SLC10A7: variants seen among roughly 807,000 people sequenced by gnomAD.
SLC10A7 encodes solute carrier family 10 member 7.
SLC10A7 carries 29 observed loss-of-function variants against 43.2 expected under a neutral mutation model. The observed-to-expected ratio is 0.67, with a 90% confidence interval of 0.50 to 0.92. The LOEUF (loss-of-function observed/expected upper bound fraction) is 0.92, where lower values mean the gene tolerates loss of function less well. Among genes scored for constraint, SLC10A7 ranks in the 40% least tolerant of loss-of-function variants. The pLI is 0.00. For missense variants in SLC10A7, 295 were observed against 403.2 expected (o/e 0.73, Z 2.30); for synonymous variants, 152 against 144.8 (o/e 1.05, Z -0.35).
Position 146,324,376 on chromosome 4 carries a change from C to T in SLC10A7, c.471+1585G>A, listed in dbSNP as rs575186570. Among the ~76,000 whole-genome samples the T allele has an allele frequency of 1.2e-4, 19 of 152,234 alleles. No individual in the cohort carries two copies. The South Asian group carries it at 3.9e-3, about 32-fold the overall frequency. ...AGCCTGCATTGCCAACTCTTTGGTT[C>T]TTTAATCACAAGTCAAAAAAGGGTC... On this transcript the variant is annotated intron_variant, in intron 6 of 11. Transcript: ENST00000335472.
intron 5 of SLC10A7, among the ~76,000 whole-genome samples, chr4:146,340,759 A>G (rs1020288002): frequency 6.6e-6 from 1 of 151,938 alleles, no homozygotes; most frequent in African/African-American, 2.4e-5. Context: ...GAAATAGCCA[A>G]GACTTTATAT....
chr4:146,402,760 G>A (rs1347444971), intron 5 of SLC10A7, among the ~76,000 whole-genome samples: 1 of 152,028 alleles, frequency 6.6e-6, no homozygotes, highest in African/African-American at 2.4e-5. Flanking sequence ...CATTTTGGGG[G>A]GCCTCTATTA....
chr4:146,509,696 A>T (rs1374535492), intron 3 of SLC10A7, among the ~76,000 whole-genome samples: 2 of 152,154 alleles, frequency 1.3e-5, no homozygotes, highest in African/African-American at 4.8e-5. Flanking sequence ...TCGTAAAACC[A>T]CAGGATGAAG....
intron 10 of SLC10A7, among the ~76,000 whole-genome samples, chr4:146,275,735 T>A (rs1729164043): frequency 6.6e-6 from 1 of 151,966 alleles, no homozygotes; most frequent in Non-Finnish European, 1.5e-5. Context: ...CTACTATAAT[T>A]TTGCCAGCAG....
At position 146,332,238 on chromosome 4, in the gene SLC10A7, A is replaced by C. The variant is rs1258461577; in HGVS notation, c.436-6242T>G. ...CTGCTTTGTTTATTAGGCACGGTAC[A>C]CTATTGTGAAGACAGAGGCATCCAA... is the stretch of plus-strand genomic sequence containing the variant. On this transcript the variant is annotated intron_variant, in intron 5 of 11. Coordinates refer to ENST00000335472, the MANE Select transcript of SLC10A7 (RefSeq NM_001029998.6). 1.7e-4 allele frequency among the ~76,000 whole-genome samples: 26 copies of C among 152,188 alleles called. 1 individual carries two copies. The highest frequency in any genetic ancestry group is 1.8e-4 in the Non-Finnish European group (12 of 68,028).
In SLC10A7 at chr4:146,501,684, T is replaced by G. The variant is rs139499811; in HGVS notation, c.396+2165A>C. On this transcript the variant is annotated intron_variant, in intron 4 of 11. Coordinates refer to ENST00000335472, the MANE Select transcript of SLC10A7 (RefSeq NM_001029998.6). ...ATGAACAAGAAATAAATGCATATTT[T>G]TAACCACTGAGATTTTGGAGTTCTT... Among the ~76,000 whole-genome samples the G allele has an allele frequency of 3.3e-5, 5 of 152,314 alleles. No individual in the cohort carries two copies. The East Asian group carries it at 7.7e-4, about 23-fold the overall frequency.
intron 5 of SLC10A7, among the ~76,000 whole-genome samples, chr4:146,404,243 C>T (rs1484046478): frequency 6.6e-6 from 1 of 152,132 alleles, no homozygotes; most frequent in Non-Finnish European, 1.5e-5. Context: ...TGGTCTCAAA[C>T]TCCTGGACTC....
At chr4:146,471,279 G>A (rs539103140) in intron 4 of SLC10A7, among the ~76,000 whole-genome samples, 7 of 152,224 alleles carry the variant, frequency 4.6e-5, no homozygotes, top group Non-Finnish European at 7.4e-5. Context: ...AGGGACAGTC[G>A]AAAACTTTCC....
At chr4:146,422,666 G>A (rs189526160) in intron 5 of SLC10A7, among the ~76,000 whole-genome samples, 20 of 151,908 alleles carry the variant, frequency 1.3e-4, no homozygotes, top group East Asian at 5.8e-4. Flanking sequence ...TGTCTCTTTC[G>A]GATTATTATT....
intron 5 of SLC10A7, among the ~76,000 whole-genome samples, chr4:146,383,507 C>T (rs151286611): frequency 2.4e-4 from 37 of 152,264 alleles, no homozygotes; most frequent in African/African-American, 8.7e-4. Flanking sequence ...TATTTAAGCC[C>T]CCAGAAAATT....
At chr4:146,431,016 T>C (rs1474716803) in intron 5 of SLC10A7, among the ~76,000 whole-genome samples, 1 of 152,152 alleles carries the variant, frequency 6.6e-6, no homozygotes, top group Non-Finnish European at 1.5e-5. Context: ...CAAATAAGAA[T>C]ATTTTACTAT....
At chr4:146,390,649 TA>T (rs1422451030) in intron 5 of SLC10A7, among the ~76,000 whole-genome samples, 3 of 151,742 alleles carry the variant, frequency 2.0e-5, no homozygotes, top group Non-Finnish European at 4.4e-5. Context: ...GAAAATGAAA[TA>T]AAATAATAAT....
chr4:146,521,575 G>A (rs201373111), intron 1 of SLC10A7, 43 bp downstream of exon 1: 3 of 1,548,250 alleles, frequency 1.9e-6, no homozygotes, highest in Admixed American at 1.7e-5. Context: ...AATTAGTTCT[G>A]AAGTGGGAGC....
intron 5 of SLC10A7, among the ~76,000 whole-genome samples, chr4:146,433,981 C>T (rs1729999665): frequency 6.6e-6 from 1 of 152,026 alleles, no homozygotes; most frequent in Non-Finnish European, 1.5e-5. Flanking sequence ...GGGGGAACTG[C>T]AAATATTTAT....
At chr4:146,515,056 T>C in intron 2 of SLC10A7, 2 of 696,250 alleles carry the variant, frequency 2.9e-6, no homozygotes, top group Non-Finnish European at 5.2e-6. Flanking sequence ...AAGAAGTCAG[T>C]CCTTAGAGAA....
chr4:146,388,289 C>T (rs1346778297), intron 5 of SLC10A7, among the ~76,000 whole-genome samples: 3 of 152,112 alleles, frequency 2.0e-5, no homozygotes, highest in Non-Finnish European at 4.4e-5. Context: ...ACCAACTGAC[C>T]TTTGACAAAG....
chr4:146,349,826 G>A (rs1734897430), intron 5 of SLC10A7, among the ~76,000 whole-genome samples: 1 of 151,968 alleles, frequency 6.6e-6, no homozygotes, highest in Non-Finnish European at 1.5e-5. Flanking sequence ...TAGACACTGG[G>A]GACTAATAGA....
chr4:146,424,775 T>C lies in SLC10A7; in HGVS notation c.435+18008A>G, dbSNP rs557363236. 3.9e-5 allele frequency among the ~76,000 whole-genome samples: 6 copies of C among 152,314 alleles called. No individual in the cohort carries two copies. The East Asian group carries it at 5.8e-4, about 15-fold the overall frequency. Reference sequence around the variant, plus strand: ...GAACTGACTTTCAGGCTCAGGCATTTCTAGCTACAACATTATACTATTTTC... The same window carrying C: ...GAACTGACTTTCAGGCTCAGGCATTCCTAGCTACAACATTATACTATTTTC... On this transcript the variant is annotated intron_variant, in intron 5 of 11. Transcript: ENST00000335472.
chr4:146,513,677 G>A (rs1737683812), intron 2 of SLC10A7, among the ~76,000 whole-genome samples: 2 of 152,052 alleles, frequency 1.3e-5, no homozygotes, highest in South Asian at 4.2e-4. Context: ...TTAACAATAG[G>A]GAAGCGCTTC....
Sources: gnomAD v4.1 joint callset for allele counts (sites outside exome capture counted in the v4.1 genomes callset) on GRCh38, gnomAD v4.1.1 for gene constraint, MANE v1.5 for transcripts, NCBI Gene and HGNC (gene_info 2026-07-23, HGNC 2026-07-21) for gene names.